The following ZRANB3 variants were observed in gnomAD, a reference collection of about 807,000 sequenced individuals.
The protein encoded by ZRANB3 is zinc finger RANBP2-type containing 3.
Under a neutral mutation model 133.8 loss-of-function variants are expected in ZRANB3, and 125 were observed. That is an observed-to-expected ratio of 0.93 (90% CI 0.81 to 1.08). The LOEUF (loss-of-function observed/expected upper bound fraction) is 1.08. Ranked by LOEUF, ZRANB3 falls within the 50% of genes least tolerant of loss-of-function variation. The pLI, the probability that ZRANB3 is intolerant of heterozygous loss-of-function variation, is 0.00. For missense variants in ZRANB3, 1,229 were observed against 1,275.5 expected (o/e 0.96, Z 0.56); for synonymous variants, 387 against 432.7 (o/e 0.89, Z 1.31).
chr2:135,266,069 C>T (rs1365403119), intron 11 of ZRANB3, among the ~76,000 whole-genome samples: 7 of 151,966 alleles, frequency 4.6e-5, no homozygotes, highest in African/African-American at 1.2e-4. Flanking sequence ...ATTAGCCGGG[C>T]GTGGTGGCAG....
intron 6 of ZRANB3, among the ~76,000 whole-genome samples, chr2:135,339,237 C>T (rs1222622323): frequency 6.6e-6 from 1 of 152,156 alleles, no homozygotes; most frequent in African/African-American, 2.4e-5. Context: ...TGTGGTAAAA[C>T]CCGTCTCTAC....
At chr2:135,336,575 G>T (rs186030137) in intron 6 of ZRANB3, among the ~76,000 whole-genome samples, 1 of 152,268 alleles carries the variant, frequency 6.6e-6, no homozygotes, top group African/African-American at 2.4e-5. Context: ...TTCTGAAATG[G>T]AACCTGAAAG....
chr2:135,327,050 G>C (rs932149787), intron 6 of ZRANB3, among the ~76,000 whole-genome samples: 11 of 152,024 alleles, frequency 7.2e-5, no homozygotes, highest in Non-Finnish European at 1.5e-4. Context: ...AAATAAAACT[G>C]GTCATGAGAT....
chr2:135,306,535 AC>A (rs1447073126), intron 8 of ZRANB3, among the ~76,000 whole-genome samples: 3 of 140,520 alleles, frequency 2.1e-5, no homozygotes, highest in Non-Finnish European at 4.6e-5. Context: ...CTCGTGATCC[AC>A]CCGTCTCGGC....
chr2:135,417,774 T>C (rs192828554), intron 2 of ZRANB3, among the ~76,000 whole-genome samples: 254 of 152,318 alleles, frequency 1.7e-3, no homozygotes, highest in African/African-American at 5.7e-3. Context: ...TGGAATACTA[T>C]GCAGCCATAA....
intron 2 of ZRANB3, among the ~76,000 whole-genome samples, chr2:135,478,943 TTA>T (rs1316957561): frequency 2.0e-5 from 3 of 151,960 alleles, no homozygotes; most frequent in East Asian, 3.9e-4. Flanking sequence ...GTATACATAC[TTA>T]TATATGTTAT....
chr2:135,217,451 A>C lies in ZRANB3; in HGVS notation c.2495+14T>G. 6.3e-7 allele frequency: 1 copy of C among 1,584,994 alleles called. No homozygotes were observed. On this transcript the variant is annotated intron_variant, in intron 17 of 20. Coordinates refer to ENST00000264159, the MANE Select transcript of ZRANB3 (RefSeq NM_032143.4). Reference sequence around the variant, plus strand: ...AGTAATATAATACAAAATTTAAAAAAAGACAACTCATACCTTTTGGTGCAA... The same window carrying C: ...AGTAATATAATACAAAATTTAAAAACAGACAACTCATACCTTTTGGTGCAA...
At chr2:135,257,932 C>G (rs546945702) in intron 12 of ZRANB3, among the ~76,000 whole-genome samples, 28 of 152,238 alleles carry the variant, frequency 1.8e-4, no homozygotes, top group Non-Finnish European at 3.5e-4. Flanking sequence ...GATTATGTAA[C>G]CTTTCTCAGA....
At chr2:135,284,607 G>A (rs1573828092) in intron 8 of ZRANB3, among the ~76,000 whole-genome samples, 1 of 152,184 alleles carries the variant, frequency 6.6e-6, no homozygotes, top group East Asian at 1.9e-4. Context: ...GAGTAGCTGG[G>A]ACTACAGGCG....
At chr2:135,510,004 C>T (rs921458301) in intron 1 of ZRANB3, among the ~76,000 whole-genome samples, 5 of 152,080 alleles carry the variant, frequency 3.3e-5, no homozygotes, top group African/African-American at 1.2e-4. Context: ...TTTAAACATA[C>T]CAGCGAGAAT....
chr2:135,218,981 G>A, intron 16 of ZRANB3, 96 bp downstream of exon 16: 1 of 840,254 alleles, frequency 1.2e-6, no homozygotes, highest in Non-Finnish European at 1.7e-6. Flanking sequence ...ATGCCACAAA[G>A]TGCTTTTTTA....
chr2:135,363,771 C>T (rs887818115), intron 3 of ZRANB3, among the ~76,000 whole-genome samples: 1 of 152,166 alleles, frequency 6.6e-6, no homozygotes, highest in Non-Finnish European at 1.5e-5. Context: ...AAAATTCAGA[C>T]TTCAGGACAA....
At chr2:135,350,605 CT>C (rs1388044131) in intron 4 of ZRANB3, among the ~76,000 whole-genome samples, 1 of 152,194 alleles carries the variant, frequency 6.6e-6, no homozygotes, top group East Asian at 1.9e-4. Context: ...CCAGATGCTA[CT>C]GGTATTTTGA....
intron 3 of ZRANB3, among the ~76,000 whole-genome samples, chr2:135,380,759 G>A (rs1686651868): frequency 6.6e-6 from 1 of 152,136 alleles, no homozygotes; most frequent in African/African-American, 2.4e-5. Flanking sequence ...AAGAACCAGA[G>A]AAGCAAGAGC....
At chr2:135,210,928 C>T (rs1365404777) in intron 17 of ZRANB3, among the ~76,000 whole-genome samples, 1 of 151,924 alleles carries the variant, frequency 6.6e-6, no homozygotes, top group Non-Finnish European at 1.5e-5. Flanking sequence ...ACTCAGGAGG[C>T]TGAGGCAGGA....
At chr2:135,232,372 G>C (rs1299095775) in intron 12 of ZRANB3, among the ~76,000 whole-genome samples, 1 of 152,200 alleles carries the variant, frequency 6.6e-6, no homozygotes, top group Non-Finnish European at 1.5e-5. Flanking sequence ...CTGGGGGCAG[G>C]GCACAGCCAA....
chr2:135,404,362 T>G (rs1687903091), intron 2 of ZRANB3, among the ~76,000 whole-genome samples: 1 of 152,042 alleles, frequency 6.6e-6, no homozygotes, highest in African/African-American at 2.4e-5. Context: ...TGATGGAAGA[T>G]CAAATGAATG....
chr2:135,401,614 T>G (rs746723191), intron 2 of ZRANB3, among the ~76,000 whole-genome samples: 2 of 152,230 alleles, frequency 1.3e-5, no homozygotes, highest in Non-Finnish European at 2.9e-5. Flanking sequence ...CTGAGAAAGC[T>G]TGTTAAAATA....
chr2:135,370,812 T>C (rs1054765569), intron 3 of ZRANB3, among the ~76,000 whole-genome samples: 1 of 152,190 alleles, frequency 6.6e-6, no homozygotes, highest in African/African-American at 2.4e-5. Flanking sequence ...ATAATCTGCA[T>C]GTGCCAAGGG....
Sources: gnomAD v4.1 joint callset for allele counts (sites outside exome capture counted in the v4.1 genomes callset) on GRCh38, gnomAD v4.1.1 for gene constraint, MANE v1.5 for transcripts, NCBI Gene and HGNC (gene_info 2026-07-23, HGNC 2026-07-21) for gene names.